The following SCMH1 variants were observed in gnomAD, a reference collection of about 807,000 sequenced individuals.
SCMH1 encodes the protein polycomb protein SCMH1.
Under a neutral mutation model 70.8 loss-of-function variants are expected in SCMH1, and 37 were observed. The observed-to-expected ratio is 0.52, with a 90% CI of 0.40 to 0.69. The LOEUF (loss-of-function observed/expected upper bound fraction) is 0.69, where lower values mean the gene tolerates loss of function less well. Ranked by LOEUF, SCMH1 falls within the 30% of genes least tolerant of loss-of-function variation. The probability of loss-of-function intolerance (pLI) is 0.00; values close to 1 mark genes in which losing one functional copy is unlikely to be tolerated. For synonymous variants in SCMH1, 292 were observed against 307.4 expected (o/e 0.95, Z 0.52); for missense variants, 607 against 827.3 (o/e 0.73, Z 3.27).
intron 6 of SCMH1, among the ~76,000 whole-genome samples, chr1:41,141,056 A>G (rs1267252987): frequency 6.6e-6 from 1 of 152,230 alleles, no homozygotes; most frequent in Admixed American, 6.5e-5. Flanking sequence ...AAATAAAGAA[A>G]TAAAGCATGC....
At chr1:41,131,006 G>A (rs1458318407) in intron 6 of SCMH1, among the ~76,000 whole-genome samples, 2 of 152,094 alleles carry the variant, frequency 1.3e-5, no homozygotes, top group Admixed American at 6.6e-5. Context: ...ATTTCCTCCT[G>A]TTTTCTTCGA....
chr1:41,073,525 T>C (rs1558642876), intron 9 of SCMH1, among the ~76,000 whole-genome samples: 1 of 151,642 alleles, frequency 6.6e-6, no homozygotes, highest in Middle Eastern at 3.4e-3. Flanking sequence ...TCAAGAGGAG[T>C]ATTACGTGTT....
intron 1 of SCMH1, among the ~76,000 whole-genome samples, chr1:41,201,326 T>C (rs191392010): frequency 6.6e-6 from 1 of 152,290 alleles, no homozygotes; most frequent in Non-Finnish European, 1.5e-5. Flanking sequence ...AGATGAAAGA[T>C]CTAGATTTAG....
At chr1:41,188,512 T>C (rs1650850854) in intron 1 of SCMH1, among the ~76,000 whole-genome samples, 2 of 152,222 alleles carry the variant, frequency 1.3e-5, no homozygotes, top group Admixed American at 6.5e-5. Flanking sequence ...TTTAATTGTA[T>C]TTAATTTTTA....
chr1:41,102,698 T>C (rs1666914166), intron 8 of SCMH1, among the ~76,000 whole-genome samples: 1 of 152,220 alleles, frequency 6.6e-6, no homozygotes, highest in Non-Finnish European at 1.5e-5. Context: ...AAGGTGCAAC[T>C]GACCTTAGTT....
chr1:41,056,885 G>A (rs1461403064), intron 10 of SCMH1, among the ~76,000 whole-genome samples: 3 of 151,492 alleles, frequency 2.0e-5, no homozygotes, highest in Non-Finnish European at 4.4e-5. Flanking sequence ...CATGCTTTTG[G>A]CAGGGAGAGG....
intron 12 of SCMH1, chr1:41,038,063 TG>T (rs1270521300): frequency 6.5e-6 from 1 of 152,848 alleles, no homozygotes; most frequent in African/African-American, 2.4e-5. Flanking sequence ...TCAAGGAAGC[TG>T]GGGTTGATGA....
rs547827188 is a variant in SCMH1, at chr1:41,193,997, G to A, written c.-117-7747C>T. Reference sequence around the variant, plus strand: ...TCTACTAAATTCTGATACTAATTACGAACTTACAATGTAGTGGAAAGGTTA... The same window carrying A: ...TCTACTAAATTCTGATACTAATTACAAACTTACAATGTAGTGGAAAGGTTA... On this transcript the variant is annotated intron_variant, in intron 1 of 14. Coordinates refer to ENST00000337495, the Ensembl canonical transcript of SCMH1. 3.6e-4 allele frequency among the ~76,000 whole-genome samples: 54 copies of A among 152,074 alleles called. 2 individuals carry two copies. The South Asian group carries it at 1.0e-2, about 28-fold the overall frequency.
chr1:41,241,570 C>G (rs932171060), intron 1 of SCMH1, among the ~76,000 whole-genome samples: 7 of 152,178 alleles, frequency 4.6e-5, no homozygotes, highest in Admixed American at 2.6e-4. Context: ...CAGCCAGAAT[C>G]ACAGGCATTC....
At chr1:41,034,933 C>T (rs754787756) in intron 13 of SCMH1, among the ~76,000 whole-genome samples, 2 of 152,198 alleles carry the variant, frequency 1.3e-5, no homozygotes, top group East Asian at 1.9e-4. Flanking sequence ...AACTCCTGCT[C>T]TAATCCTTGG....
intron 8 of SCMH1, among the ~76,000 whole-genome samples, chr1:41,081,448 C>G (rs773353888): frequency 6.6e-6 from 1 of 152,214 alleles, no homozygotes; most frequent in Admixed American, 6.5e-5. Flanking sequence ...CCAAGTCAAT[C>G]TTGATGAATA....
chr1:41,157,886 G>A lies in SCMH1; in HGVS notation c.106+2989C>T, dbSNP rs140461758. 4.2e-3 allele frequency among the ~76,000 whole-genome samples: 644 copies of A among 152,142 alleles called. 5 individuals are homozygous for A. The highest frequency in any genetic ancestry group is 0.015 in the African/African-American group (619 of 41,494). On this transcript the variant is annotated intron_variant, in intron 4 of 14. Coordinates refer to ENST00000337495, the Ensembl canonical transcript of SCMH1. ...TTTATGTAAGCTCTTTATGGATGGGGGCTTATATTCATTTTTAAAATCTTT... is the reference window on the plus strand; with the variant it reads ...TTTATGTAAGCTCTTTATGGATGGGAGCTTATATTCATTTTTAAAATCTTT...
At chr1:41,185,173 CT>C (rs1649828932) in intron 2 of SCMH1, among the ~76,000 whole-genome samples, 1 of 152,124 alleles carries the variant, frequency 6.6e-6, no homozygotes, top group African/African-American at 2.4e-5. Flanking sequence ...TTTATTCATG[CT>C]TCAAACGAAA....
intron 6 of SCMH1, among the ~76,000 whole-genome samples, chr1:41,141,560 A>G (rs749650829): frequency 3.9e-5 from 6 of 152,234 alleles, no homozygotes; most frequent in African/African-American, 1.4e-4. Flanking sequence ...CCAGAATCTG[A>G]TCAAGTCTCT....
chr1:41,235,642 C>A (rs1240334381), intron 1 of SCMH1, among the ~76,000 whole-genome samples: 1 of 147,124 alleles, frequency 6.8e-6, no homozygotes, highest in Non-Finnish European at 1.5e-5. Context: ...TTAATAGATA[C>A]CTATATATCC....
intron 6 of SCMH1, among the ~76,000 whole-genome samples, chr1:41,129,998 TTC>T (rs1553142962): frequency 2.6e-5 from 4 of 152,152 alleles, no homozygotes; most frequent in South Asian, 2.1e-4. Flanking sequence ...ACTTGTTATT[TTC>T]TGTTTTTTTC....
rs567946673 is a variant in SCMH1 at position 41,074,990 on chromosome 1, G to C, written c.978+229C>G. 1.3e-4 allele frequency among the ~76,000 whole-genome samples: 20 copies of C among 152,308 alleles called. No homozygotes were observed. In the South Asian group the frequency reaches 2.5e-3, roughly 19 times the overall value. ...TCATTCTCCTGCCTCAGCCTCCCGA[G>C]TAGCTGGGACTACAGGCGCCCACCA... On this transcript the variant is annotated intron_variant, in intron 9 of 14. Coordinates refer to ENST00000337495, the Ensembl canonical transcript of SCMH1.
At chr1:41,227,584 T>C (rs1660512148) in intron 1 of SCMH1, among the ~76,000 whole-genome samples, 1 of 152,148 alleles carries the variant, frequency 6.6e-6, no homozygotes, top group South Asian at 2.1e-4. Flanking sequence ...AAAATGGTAG[T>C]TGCCAGGAAC....
chr1:41,039,261 G>A (rs1645754000), intron 12 of SCMH1, among the ~76,000 whole-genome samples: 2 of 151,812 alleles, frequency 1.3e-5, no homozygotes, highest in South Asian at 4.1e-4. Flanking sequence ...GCAAACCATT[G>A]AGTGTCTCTT....
Sources: allele counts gnomAD v4.1 joint callset (sites outside exome capture counted in the v4.1 genomes callset), GRCh38; gene constraint gnomAD v4.1.1; transcripts MANE v1.5; gene names NCBI Gene and HGNC (gene_info 2026-07-23, HGNC 2026-07-21).